Variants in DIAPH3 observed in about 807,000 individuals in gnomAD.
DIAPH3 encodes the protein protein diaphanous homolog 3.
DIAPH3 carries 117 observed loss-of-function variants against 144.3 expected under a neutral mutation model. The observed-to-expected ratio is 0.81, with a 90% CI of 0.70 to 0.95. The LOEUF (loss-of-function observed/expected upper bound fraction) is 0.95, where lower values mean the gene tolerates loss of function less well. DIAPH3 is among the 40% of genes least tolerant of loss of function. The pLI, the probability that DIAPH3 is intolerant of heterozygous loss-of-function variation, is 0.00. For synonymous variants in DIAPH3, 519 were observed against 488.9 expected (o/e 1.06, Z -0.81); for missense variants, 1,421 against 1,412.7 (o/e 1.01, Z -0.09).
chr13:59,717,834 A>C (rs1593659583), intron 27 of DIAPH3, among the ~76,000 whole-genome samples: 1 of 152,104 alleles, frequency 6.6e-6, no homozygotes, highest in South Asian at 2.1e-4. Flanking sequence ...AAGCCAAACC[A>C]AACCAAAACC....
chr13:59,933,412 A>G (rs1405069893), intron 17 of DIAPH3, among the ~76,000 whole-genome samples: 1 of 152,232 alleles, frequency 6.6e-6, no homozygotes, highest in Non-Finnish European at 1.5e-5. Flanking sequence ...ATCAGAGTCC[A>G]TAAACACAAT....
Position 60,103,373 on chromosome 13 carries a change from C to T in DIAPH3, c.390+8637G>A, listed in dbSNP as rs148271259. Among the ~76,000 whole-genome samples, 43 of 152,106 alleles carry T rather than the reference C, an allele frequency of 2.8e-4. No individual in the cohort carries two copies. The East Asian group carries it at 8.3e-3, about 29-fold the overall frequency. On this transcript the variant is annotated intron_variant, in intron 3 of 27. Transcript: ENST00000400324. ...ATCAAGTTGAGCGGGACAGTTAACACCACAGAGAGTCAGATTAAATTTAAA... is the reference window on the plus strand; with the variant it reads ...ATCAAGTTGAGCGGGACAGTTAACATCACAGAGAGTCAGATTAAATTTAAA...
chr13:59,794,244 AC>A (rs748632953), intron 25 of DIAPH3, among the ~76,000 whole-genome samples: 1 of 152,106 alleles, frequency 6.6e-6, no homozygotes, highest in Non-Finnish European at 1.5e-5. Flanking sequence ...TCTGGACATA[AC>A]CCCATCAAAA....
At chr13:59,766,096 A>ATT (rs2037847748) in intron 27 of DIAPH3, among the ~76,000 whole-genome samples, 1 of 152,188 alleles carries the variant, frequency 6.6e-6, no homozygotes, top group Non-Finnish European at 1.5e-5. Flanking sequence ...CTATCAGAAA[A>ATT]TTTGATGACT....
At chr13:59,804,806 A>G (rs890584843) in intron 25 of DIAPH3, among the ~76,000 whole-genome samples, 4 of 152,188 alleles carry the variant, frequency 2.6e-5, no homozygotes, top group African/African-American at 4.8e-5. Context: ...ATGGAAAGTA[A>G]TCTAAGTTTT....
intron 5 of DIAPH3, among the ~76,000 whole-genome samples, chr13:60,030,606 T>A (rs1167112082): frequency 6.6e-6 from 1 of 152,168 alleles, no homozygotes; most frequent in Admixed American, 6.5e-5. Flanking sequence ...GGCTTCACAA[T>A]GATACAATAC....
intron 21 of DIAPH3, among the ~76,000 whole-genome samples, chr13:59,875,081 T>G (rs2044529892): frequency 6.6e-6 from 1 of 152,212 alleles, no homozygotes; most frequent in Non-Finnish European, 1.5e-5. Context: ...CCTATCAACG[T>G]GTCTCTTGGA....
At chr13:59,950,533 C>G (rs1170455374) in intron 17 of DIAPH3, among the ~76,000 whole-genome samples, 1 of 152,032 alleles carries the variant, frequency 6.6e-6, no homozygotes, top group African/African-American at 2.4e-5. Flanking sequence ...AATTACAAAC[C>G]AGAGCTATGA....
intron 22 of DIAPH3, among the ~76,000 whole-genome samples, chr13:59,844,742 C>G (rs2042541463): frequency 6.6e-6 from 1 of 152,138 alleles, no homozygotes; most frequent in Non-Finnish European, 1.5e-5. Context: ...ACAATTTTGA[C>G]TTTTGCATTT....
At chr13:59,681,498 A>G (rs1443195933) in intron 27 of DIAPH3, among the ~76,000 whole-genome samples, 1 of 152,156 alleles carries the variant, frequency 6.6e-6, no homozygotes, top group Non-Finnish European at 1.5e-5. Flanking sequence ...GATTAAAAAA[A>G]ATTTTCAACT....
At chr13:60,073,149 A>C (rs935760437) in intron 4 of DIAPH3, among the ~76,000 whole-genome samples, 1 of 152,046 alleles carries the variant, frequency 6.6e-6, no homozygotes, top group Non-Finnish European at 1.5e-5. Context: ...TCTCTACTAT[A>C]AATACAAAAA....
At chr13:60,083,907 AGATGGATGGATGGATGGATG>A (rs61418371) in intron 4 of DIAPH3, among the ~76,000 whole-genome samples, 35,504 of 145,568 alleles carry the variant, frequency 0.24, 5,262 homozygotes, top group Admixed American at 0.38. Flanking sequence ...ATGGATGGAC[AGATGGATGGATGGATGGATG>A]GATGGATGGA....
chr13:60,056,225 T>TTA (rs1360183324), intron 4 of DIAPH3, among the ~76,000 whole-genome samples: 1 of 149,832 alleles, frequency 6.7e-6, no homozygotes, highest in Non-Finnish European at 1.5e-5. Flanking sequence ...ATTTTATATG[T>TTA]TATATATAAT....
At chr13:60,000,162 C>G (rs530690756) in intron 9 of DIAPH3, among the ~76,000 whole-genome samples, 2 of 152,126 alleles carry the variant, frequency 1.3e-5, no homozygotes, top group African/African-American at 4.8e-5. Context: ...ACACCAATAG[C>G]CTGGATTATA....
chr13:59,992,659 T>G, intron 9 of DIAPH3, 76 bp from the exon 10 acceptor site: 2 of 1,152,580 alleles, frequency 1.7e-6, no homozygotes, highest in Admixed American at 1.9e-5. Flanking sequence ...ACTTCAAGGT[T>G]TTGTTCCAGC....
At chr13:59,943,536 A>G (rs1322634071) in intron 17 of DIAPH3, among the ~76,000 whole-genome samples, 4 of 152,176 alleles carry the variant, frequency 2.6e-5, no homozygotes, top group African/African-American at 9.7e-5. Context: ...TCGTTCATTC[A>G]TTCACTCACT....
chr13:59,743,849 G>T (rs2036579888), intron 27 of DIAPH3, among the ~76,000 whole-genome samples: 1 of 151,970 alleles, frequency 6.6e-6, no homozygotes, highest in African/African-American at 2.4e-5. Context: ...AAATTGCCAA[G>T]GGACTGCAAC....
intron 17 of DIAPH3, among the ~76,000 whole-genome samples, chr13:59,929,530 T>A (rs2047913712): frequency 6.6e-6 from 1 of 151,618 alleles, no homozygotes; most frequent in South Asian, 2.1e-4. Context: ...TTCAAATTAT[T>A]TTTCTCCATA....
intron 25 of DIAPH3, among the ~76,000 whole-genome samples, chr13:59,782,838 G>C (rs978448587): frequency 6.6e-6 from 1 of 152,164 alleles, no homozygotes; most frequent in African/African-American, 2.4e-5. Context: ...TGTCAAAAGA[G>C]ACAAGACCCA....
Sources: allele counts gnomAD v4.1 joint callset (sites outside exome capture counted in the v4.1 genomes callset), GRCh38; gene constraint gnomAD v4.1.1; transcripts MANE v1.5; gene names NCBI Gene and HGNC (gene_info 2026-07-23, HGNC 2026-07-21).